Variants in CCBE1 observed in about 807,000 individuals in gnomAD.
CCBE1 encodes the protein collagen and calcium-binding EGF domain-containing protein 1.
CCBE1 carries 37 observed loss-of-function variants against 50.0 expected under a neutral mutation model. The observed-to-expected ratio is 0.74, with a 90% CI of 0.57 to 0.97. CCBE1 has a LOEUF of 0.97. Among genes scored for constraint, CCBE1 ranks in the 50% least tolerant of loss-of-function variants. The pLI is 0.00. For missense variants in CCBE1, 538 were observed against 523.8 expected, an observed-to-expected ratio of 1.03 and a Z score of -0.26; for synonymous variants, 234 against 203.7, an observed-to-expected ratio of 1.15 and a Z score of -1.27.
intron 2 of CCBE1, among the ~76,000 whole-genome samples, chr18:59,609,283 G>A (rs2053541419): frequency 6.6e-6 from 1 of 152,248 alleles, no homozygotes; most frequent in South Asian, 2.1e-4. Context: ...TAGATCTCCT[G>A]CTCACAAATC....
At chr18:59,630,740 T>G (rs1223109206) in intron 2 of CCBE1, among the ~76,000 whole-genome samples, 1 of 152,194 alleles carries the variant, frequency 6.6e-6, no homozygotes, top group African/African-American at 2.4e-5. Flanking sequence ...TGAACAAGGC[T>G]GCATGTTCAT....
chr18:59,508,474 G>A (rs536530134), intron 2 of CCBE1, among the ~76,000 whole-genome samples: 43 of 152,008 alleles, frequency 2.8e-4, no homozygotes, highest in Non-Finnish European at 5.1e-4. Flanking sequence ...GCACATGCCT[G>A]TAGTCCCAGT....
intron 2 of CCBE1, among the ~76,000 whole-genome samples, chr18:59,547,701 C>G (rs918397421): frequency 6.6e-6 from 1 of 152,140 alleles, no homozygotes; most frequent in Non-Finnish European, 1.5e-5. Context: ...GTACTTCTGG[C>G]TACACTTCAT....
chr18:59,601,010 G>GTTTTTTTTTTTTTTTTTTT (rs71177045), intron 2 of CCBE1, among the ~76,000 whole-genome samples: 4 of 58,004 alleles, frequency 6.9e-5, no homozygotes, highest in Admixed American at 2.5e-4. Context: ...CTATGTGTCA[G>GTTTTTTTTTTTTTTTTTTT]TTTTTTTTTT....
At chr18:59,574,292 T>C (rs976450945) in intron 2 of CCBE1, among the ~76,000 whole-genome samples, 3 of 152,232 alleles carry the variant, frequency 2.0e-5, no homozygotes, top group South Asian at 2.1e-4. Context: ...CCAAAAAGTG[T>C]CTTTAGTTTA....
intron 4 of CCBE1, among the ~76,000 whole-genome samples, chr18:59,469,015 C>T (rs1023737337): frequency 2.6e-5 from 4 of 152,126 alleles, no homozygotes; most frequent in South Asian, 2.1e-4. Context: ...AGGCTGGTGC[C>T]GTGGATGGTG....
At chr18:59,612,822 T>TTG (rs889086889) in intron 2 of CCBE1, among the ~76,000 whole-genome samples, 2 of 113,530 alleles carry the variant, frequency 1.8e-5, no homozygotes, top group African/African-American at 6.5e-5. Flanking sequence ...AGGGTTTTTT[T>TTG]TTTGTTTTTT....
At chr18:59,506,139 A>G (rs1215491667) in intron 2 of CCBE1, among the ~76,000 whole-genome samples, 3 of 152,246 alleles carry the variant, frequency 2.0e-5, no homozygotes, top group South Asian at 2.1e-4. Flanking sequence ...CCCTAAATCA[A>G]TAACAGTGTC....
intron 2 of CCBE1, among the ~76,000 whole-genome samples, chr18:59,546,010 T>A (rs550225243): frequency 6.6e-6 from 1 of 152,244 alleles, no homozygotes; most frequent in Admixed American, 6.5e-5. Context: ...CTTATAGGAA[T>A]ACCTGTATAT....
intron 2 of CCBE1, among the ~76,000 whole-genome samples, chr18:59,499,350 G>T (rs887422786): frequency 1.3e-5 from 2 of 152,174 alleles, no homozygotes; most frequent in East Asian, 1.9e-4. Flanking sequence ...GAGGTAGGGG[G>T]GCTTTCTGAA....
intron 2 of CCBE1, among the ~76,000 whole-genome samples, chr18:59,677,957 C>T (rs2054529508): frequency 6.6e-6 from 1 of 152,146 alleles, no homozygotes; most frequent in African/African-American, 2.4e-5. Context: ...GTATACACAA[C>T]CGGGCTTAGA....
intron 2 of CCBE1, among the ~76,000 whole-genome samples, chr18:59,650,704 GGT>G (rs2054115850): frequency 6.6e-6 from 1 of 151,180 alleles, no homozygotes; most frequent in Non-Finnish European, 1.5e-5. Flanking sequence ...CGCCTCTTCT[GGT>G]TACCAAACAT....
rs140678915 is a variant in CCBE1, at chr18:59,461,201, G to T, written c.553+5538C>A. Among the ~76,000 whole-genome samples the T allele has an allele frequency of 4.4e-3, 671 of 151,852 alleles. 3 individuals carry two copies. The highest frequency in any genetic ancestry group is 6.6e-3 in the Non-Finnish European group (451 of 67,990). On this transcript the variant is annotated intron_variant, in intron 5 of 10. Transcript: ENST00000439986. The stretch of plus-strand genomic sequence containing the variant: ...GTTCCGCATTACTTCAAACTGTCAA[G>T]CCTAGGAACTTTCCACTGCATCACA...
intron 2 of CCBE1, among the ~76,000 whole-genome samples, chr18:59,572,461 T>C (rs985929245): frequency 2.6e-5 from 4 of 152,200 alleles, no homozygotes; most frequent in Admixed American, 1.3e-4. Flanking sequence ...TGGCACAACA[T>C]AGACTTTACC....
At chr18:59,483,185 G>T (rs910327142) in intron 2 of CCBE1, among the ~76,000 whole-genome samples, 36 of 151,994 alleles carry the variant, frequency 2.4e-4, no homozygotes, top group African/African-American at 8.7e-4. Flanking sequence ...CTTTCATGTA[G>T]GTTACATAAG....
chr18:59,510,823 TAAAG>T (rs1010399308), intron 2 of CCBE1, among the ~76,000 whole-genome samples: 3 of 152,242 alleles, frequency 2.0e-5, no homozygotes, highest in Non-Finnish European at 4.4e-5. Context: ...CATGCATGCA[TAAAG>T]AAACATAGAC....
At chr18:59,471,728 C>A (rs1163158995) in intron 3 of CCBE1, among the ~76,000 whole-genome samples, 2 of 152,190 alleles carry the variant, frequency 1.3e-5, no homozygotes, top group African/African-American at 4.8e-5. Context: ...TCATTTCTGA[C>A]AGTGACACAC....
At chr18:59,679,931 G>C (rs1033762800) in intron 2 of CCBE1, among the ~76,000 whole-genome samples, 1 of 152,136 alleles carries the variant, frequency 6.6e-6, no homozygotes, top group Non-Finnish European at 1.5e-5. Flanking sequence ...CATTCCAAAG[G>C]AGGCAATCAA....
At chr18:59,467,376 G>T (rs117671146) in intron 4 of CCBE1, among the ~76,000 whole-genome samples, 2,923 of 152,262 alleles carry the variant, frequency 0.019, 42 homozygotes, top group South Asian at 0.043. Flanking sequence ...GACCCCACAG[G>T]TCACTTAGGA....
Sources: allele counts gnomAD v4.1 joint callset (sites outside exome capture counted in the v4.1 genomes callset), GRCh38; gene constraint gnomAD v4.1.1; transcripts MANE v1.5; gene names NCBI Gene and HGNC (gene_info 2026-07-23, HGNC 2026-07-21).